The following ZC3H13 variants were observed in gnomAD, a reference collection of about 807,000 sequenced individuals.
ZC3H13 encodes the protein zinc finger CCCH-type containing 13, also known as zinc finger CCCH domain-containing protein 13.
In ZC3H13, 64 loss-of-function variants were observed where a neutral mutation model predicts 204.1. The observed-to-expected ratio is 0.31, with a 90% CI of 0.26 to 0.39. ZC3H13 has a LOEUF of 0.39. Among genes scored for constraint, ZC3H13 ranks in the 10% least tolerant of loss-of-function variants. ZC3H13 has a pLI of 1.00. For synonymous variants in ZC3H13, 667 were observed against 693.7 expected, an observed-to-expected ratio of 0.96 and a Z score of 0.60; for missense variants, 1,833 against 2,082.7, an observed-to-expected ratio of 0.88 and a Z score of 2.33.
Position 45,954,677 on chromosome 13 carries a change from T to A in ZC3H13, c.*2450A>T, listed in dbSNP as rs1951194083. On this transcript the variant is annotated 3_prime_UTR_variant, in exon 19 of 19. Coordinates refer to ENST00000679008, the MANE Select transcript of ZC3H13 (RefSeq NM_001330564.2). ...TGTAAAAGCATCACCAACAATAGTA[T>A]GTACCTTAATCTTTACACAATTGGA... 6.6e-6 allele frequency: 1 copy of A among 152,234 alleles called. No homozygotes were observed. The highest frequency in any genetic ancestry group is 1.5e-5 in the Non-Finnish European group (1 of 68,046). 9.4% of individuals were successfully genotyped at this position (152,234 alleles called of 1,614,324 possible). A position where few individuals can be genotyped will look rare whatever the true frequency, so the allele number is the denominator to read the frequency against.
intron 3 of ZC3H13, among the ~76,000 whole-genome samples, chr13:46,042,547 T>C (rs1037691483): frequency 6.6e-6 from 1 of 152,072 alleles, no homozygotes; most frequent in East Asian, 1.9e-4. Context: ...ACTGGTGATG[T>C]GAATAAGAAA....
chr13:46,003,588 T>C (rs2040908392), intron 7 of ZC3H13, among the ~76,000 whole-genome samples: 1 of 152,032 alleles, frequency 6.6e-6, no homozygotes, highest in East Asian at 1.9e-4. Flanking sequence ...AAGATAGAGG[T>C]GAAATAGGAA....
chr13:45,981,036 A>T (rs1385735510), intron 10 of ZC3H13, among the ~76,000 whole-genome samples: 1 of 152,166 alleles, frequency 6.6e-6, no homozygotes, highest in Non-Finnish European at 1.5e-5. Context: ...CTGTACATTT[A>T]TTTGCAATCT....
intron 15 of ZC3H13, among the ~76,000 whole-genome samples, chr13:45,967,033 T>C (rs1270805594): frequency 6.6e-6 from 1 of 152,188 alleles, no homozygotes; most frequent in African/African-American, 2.4e-5. Flanking sequence ...GGAGTACCAG[T>C]GGGATTCTAG....
At chr13:45,963,280 T>C in intron 17 of ZC3H13, 1 of 986,286 alleles carries the variant, frequency 1.0e-6, no homozygotes, top group Non-Finnish European at 1.2e-6. Context: ...ACACCTGCAT[T>C]TGGGTAGATG....
At position 45,985,575 on chromosome 13, in the gene ZC3H13, T is replaced by C; in HGVS notation, c.1442A>G (p.Glu481Gly). 1 of 1,614,072 alleles carries C rather than the reference T, an allele frequency of 6.2e-7. No homozygotes were observed. The change falls in exon 10 of 19, where the codon GAG becomes GGG. Residue 481 changes from glutamate to glycine, a missense_variant. Physicochemically the swap from Glu to Gly is moderately conservative, Grantham distance 98. Coordinates refer to ENST00000679008, the MANE Select transcript of ZC3H13 (RefSeq NM_001330564.2). ...GGTATCTCTGCTATAATCTCTCATC[T>C]CCCTTGAGTCCCGCATGTCTCTGGA... ...RDSRDMRDSREMRDYSRDTKE... is the reference protein window; with the variant it reads ...RDSRDMRDSRGMRDYSRDTKE...
rs1025688803 is a variant in ZC3H13, at chr13:45,954,575, G to C, written c.*2552C>G. On this transcript the variant is annotated 3_prime_UTR_variant, in exon 19 of 19. Transcript: ENST00000679008. Reference sequence around the variant, plus strand: ...TTAGAAAGATGGCTATATAATTTTAGCTAGGAAAATCAGTAAAAGGGAATA... The same window carrying C: ...TTAGAAAGATGGCTATATAATTTTACCTAGGAAAATCAGTAAAAGGGAATA... 3.3e-5 allele frequency: 5 copies of C among 152,132 alleles called. No individual in the cohort carries two copies. Among genetic ancestry groups the C allele is most frequent in the African/African-American group, 1.2e-4 (5 of 41,426 alleles). 9.4% of individuals were successfully genotyped at this position (152,132 alleles called of 1,614,324 possible).
intron 18 of ZC3H13, among the ~76,000 whole-genome samples, chr13:45,957,643 C>T (rs1281922297): frequency 6.6e-6 from 1 of 152,146 alleles, no homozygotes; most frequent in Non-Finnish European, 1.5e-5. Flanking sequence ...CTATTTCTTC[C>T]ATGTGATGGA....
chr13:45,962,157 T>C (rs1951735838), intron 17 of ZC3H13: 17 of 985,220 alleles, frequency 1.7e-5, no homozygotes, highest in Non-Finnish European at 1.9e-5. Flanking sequence ...AAAATATAGA[T>C]AGATAATTAG....
At chr13:45,990,049 A>G (rs976810788) in intron 8 of ZC3H13, among the ~76,000 whole-genome samples, 1 of 152,198 alleles carries the variant, frequency 6.6e-6, no homozygotes, top group Non-Finnish European at 1.5e-5. Context: ...ATGTGCAGTG[A>G]TGGCACAAAT....
chr13:45,995,009 A>C (rs1360245176), intron 8 of ZC3H13, among the ~76,000 whole-genome samples: 1 of 76,078 alleles, frequency 1.3e-5, no homozygotes, highest in Non-Finnish European at 2.4e-5. Flanking sequence ...TTTAACTATC[A>C]GTGAAAAAAA....
At chr13:45,970,508 CA>C (rs760899850) in intron 12 of ZC3H13, 43 bp from the exon 13 acceptor site, 3 of 1,558,836 alleles carry the variant, frequency 1.9e-6, no homozygotes, top group South Asian at 1.2e-5. Context: ...TTCTAGGGGG[CA>C]AAAAAAGAGA....
chr13:45,988,041 T>C (rs889377009), intron 9 of ZC3H13, among the ~76,000 whole-genome samples: 2 of 152,194 alleles, frequency 1.3e-5, no homozygotes, highest in Non-Finnish European at 2.9e-5. Context: ...CGGTTTGCAA[T>C]GACCTTCTAA....
intron 6 of ZC3H13, 65 bp from the exon 7 acceptor site, chr13:46,010,570 T>C: frequency 6.7e-7 from 1 of 1,502,682 alleles, no homozygotes; most frequent in South Asian, 1.2e-5. Context: ...AGACTTACAG[T>C]ATTTTAGAAT....
Position 45,967,903 on chromosome 13 carries a change from C to T in ZC3H13, c.3922G>A (p.Asp1308Asn), listed in dbSNP as rs1422424573. 2.1e-5 allele frequency: 34 copies of T among 1,614,004 alleles called. No individual in the cohort carries two copies. The highest frequency in any genetic ancestry group is 2.9e-5 in the Non-Finnish European group (34 of 1,179,964). The change falls in exon 15 of 19, where the codon GAC (aspartate) becomes AAC (asparagine). Residue 1308 changes from aspartate to asparagine, a missense_variant. Coordinates refer to ENST00000679008, the MANE Select transcript of ZC3H13 (RefSeq NM_001330564.2). ...CTCCTCTCTCTCTCGCGCTCTCTGT[C>T]GTGTTCATATCGATCTCGTTCTTGA... ...RLQERDRYEH[D>N]RERERERRDT...
intron 4 of ZC3H13, among the ~76,000 whole-genome samples, chr13:46,038,125 G>A (rs766751194): frequency 6.6e-6 from 1 of 152,112 alleles, no homozygotes; most frequent in Non-Finnish European, 1.5e-5. Context: ...TGTGAGTTTG[G>A]CACACAAGAC....
chr13:46,029,647 C>G lies in ZC3H13; in HGVS notation c.340-9090G>C, dbSNP rs113025905. ...GTTTCACCGTGTTAGCCAGGATGGT[C>G]TCGATCTCCTGACCTCGTGATCCGC... On this transcript the variant is annotated intron_variant, in intron 4 of 18. Transcript: ENST00000679008. Among the ~76,000 whole-genome samples, 1,081 of 151,864 alleles carry G rather than the reference C, an allele frequency of 7.1e-3. 10 individuals carry two copies. The highest frequency in any genetic ancestry group is 0.025 in the African/African-American group (1,026 of 41,400).
At chr13:45,971,482 G>T (rs1476075999) in intron 12 of ZC3H13, among the ~76,000 whole-genome samples, 1 of 151,992 alleles carries the variant, frequency 6.6e-6, no homozygotes, top group East Asian at 1.9e-4. Flanking sequence ...AATGAAACCG[G>T]ATCCCTCTCA....
intron 17 of ZC3H13, chr13:45,963,026 AAGT>A: frequency 2.0e-6 from 2 of 985,468 alleles, no homozygotes; most frequent in Non-Finnish European, 2.4e-6. Context: ...GATATTTTCA[AAGT>A]AGCAGTTAAT....
Sources: gnomAD v4.1 joint callset for allele counts (sites outside exome capture counted in the v4.1 genomes callset) on GRCh38, gnomAD v4.1.1 for gene constraint, MANE v1.5 for transcripts, NCBI Gene and HGNC (gene_info 2026-07-23, HGNC 2026-07-21) for gene names.